ADGRF5: variants seen among roughly 807,000 people sequenced by gnomAD.
ADGRF5 encodes G-protein coupled receptor 116.
Under a neutral mutation model 132.3 loss-of-function variants are expected in ADGRF5, and 75 were observed. That is an observed-to-expected ratio of 0.57 (90% confidence interval 0.47 to 0.69). ADGRF5 has a LOEUF of 0.69. Among genes scored for constraint, ADGRF5 ranks in the 30% least tolerant of loss-of-function variants. ADGRF5 has a pLI of 0.00. For missense variants in ADGRF5, 1,516 were observed against 1,630.6 expected (o/e 0.93, Z 1.21); for synonymous variants, 629 against 597.6 (o/e 1.05, Z -0.77).
At chr6:46,953,651 G>GTGTGTATA (rs1373212107) in intron 1 of ADGRF5, among the ~76,000 whole-genome samples, 22 of 42,182 alleles carry the variant, frequency 5.2e-4, no homozygotes, top group African/African-American at 1.4e-3. Flanking sequence ...AGATATATGT[G>GTGTGTATA]TATATATATA....
intron 1 of ADGRF5, chr6:46,908,742 A>G (rs1410950058): frequency 6.6e-6 from 1 of 152,204 alleles, no homozygotes; most frequent in Non-Finnish European, 1.5e-5. Flanking sequence ...GTTGACAACA[A>G]GATTGCAAGC....
intron 1 of ADGRF5, among the ~76,000 whole-genome samples, chr6:46,931,147 G>A (rs1490867990): frequency 6.6e-6 from 1 of 152,160 alleles, no homozygotes; most frequent in Non-Finnish European, 1.5e-5. Flanking sequence ...AGTTTGAGAG[G>A]ATGATAGGCC....
At chr6:46,884,675 A>G (rs1410566095) in intron 4 of ADGRF5, among the ~76,000 whole-genome samples, 1 of 152,240 alleles carries the variant, frequency 6.6e-6, no homozygotes, top group African/African-American at 2.4e-5. Flanking sequence ...TATGTAATCA[A>G]CAGAATAAGG....
At chr6:46,866,737 G>A (rs1770493647) in intron 13 of ADGRF5, among the ~76,000 whole-genome samples, 188 bp downstream of exon 13, 1 of 151,750 alleles carries the variant, frequency 6.6e-6, no homozygotes, top group African/African-American at 2.4e-5. Flanking sequence ...TCCCAAGATT[G>A]TACCATAAAC....
At chr6:46,909,944 G>A (rs1462802944) in intron 1 of ADGRF5, among the ~76,000 whole-genome samples, 2 of 151,976 alleles carry the variant, frequency 1.3e-5, no homozygotes, top group African/African-American at 4.8e-5. Flanking sequence ...GGAGTTCGAG[G>A]CTGCAGTGAG....
chr6:46,884,917 T>C (rs920082254), intron 4 of ADGRF5, among the ~76,000 whole-genome samples: 3 of 152,120 alleles, frequency 2.0e-5, no homozygotes, highest in African/African-American at 7.2e-5. Flanking sequence ...AAATAAATTT[T>C]ACAGGCCAGG....
At chr6:46,874,810 T>G (rs1225373538) in intron 10 of ADGRF5, among the ~76,000 whole-genome samples, 1 of 152,202 alleles carries the variant, frequency 6.6e-6, no homozygotes, top group African/African-American at 2.4e-5. Flanking sequence ...CTTTACACAT[T>G]AGATGTGCTC....
intron 1 of ADGRF5, among the ~76,000 whole-genome samples, chr6:46,919,842 T>C (rs1383486190): frequency 6.6e-6 from 1 of 152,202 alleles, no homozygotes. Flanking sequence ...AGTGTTCGTA[T>C]TATTCTTGGG....
chr6:46,882,157 T>C (rs1772550219), intron 6 of ADGRF5, 50 bp from the exon 7 acceptor site: 1 of 1,225,372 alleles, frequency 8.2e-7, no homozygotes, highest in Non-Finnish European at 1.2e-6. Context: ...GAGAAATAGG[T>C]GTATCAAAAG....
chr6:46,915,684 A>G (rs1158193177), intron 1 of ADGRF5, among the ~76,000 whole-genome samples: 3 of 151,854 alleles, frequency 2.0e-5, no homozygotes, highest in Non-Finnish European at 4.4e-5. Context: ...GATTTTAACC[A>G]TATAATGTGT....
rs1385261559 is a variant in ADGRF5 at position 46,856,710 on chromosome 6, A to C, written c.3876+8T>G. On this transcript the variant is annotated splice_region_variant and intron_variant, in intron 19 of 20. Coordinates refer to ENST00000283296, the MANE Select transcript of ADGRF5 (RefSeq NM_001098518.2). The stretch of plus-strand genomic sequence containing the variant: ...AAAATGAAAAGTCTCTGCAGAGAAA[A>C]AGTTTACCTTTGAGTGCTGTGAAGA... The C allele has an allele frequency of 7.8e-7, 1 of 1,281,234 alleles. No individual in the cohort carries two copies. 79.4% of individuals were successfully genotyped at this position (1,281,234 alleles called of 1,614,324 possible). A position where few individuals can be genotyped will look rare whatever the true frequency, so the allele number is the denominator to read the frequency against.
intron 1 of ADGRF5, among the ~76,000 whole-genome samples, chr6:46,915,701 T>C (rs1776362058): frequency 6.6e-6 from 1 of 151,806 alleles, no homozygotes. Context: ...GTGTGTGCTA[T>C]TCAGAATGAA....
rs1373212107 is a variant in ADGRF5 at position 46,953,651 on chromosome 6, G to GTGTATATATA, written c.-25+1082_-25+1083insTATATATACA. On this transcript the variant is annotated intron_variant, in intron 1 of 20. Coordinates refer to the ADGRF5 transcript ENST00000265417. ...AAATTATATATATATAGATATATGT[G>GTGTATATATA]TATATATATATATATATATATATAT... Among the ~76,000 whole-genome samples the GTGTATATATA allele has an allele frequency of 2.5e-3, 105 of 42,172 alleles. 2 individuals are homozygous for GTGTATATATA. Among genetic ancestry groups the GTGTATATATA allele is most frequent in the African/African-American group, 5.3e-3 (76 of 14,262 alleles). The allele number at this position is 42,172 out of a possible 152,430, so 27.7% of individuals were successfully genotyped here.
chr6:46,950,358 C>T (rs375853705), intron 1 of ADGRF5, among the ~76,000 whole-genome samples: 6 of 152,170 alleles, frequency 3.9e-5, no homozygotes, highest in Non-Finnish European at 8.8e-5. Context: ...ACAGAGCAAC[C>T]TTTAAATATT....
chr6:46,891,953 C>T (rs1213291745), intron 3 of ADGRF5, among the ~76,000 whole-genome samples: 4 of 152,102 alleles, frequency 2.6e-5, no homozygotes, highest in African/African-American at 7.2e-5. Flanking sequence ...TCAGCCTGAG[C>T]GTCACCTCTG....
intron 1 of ADGRF5, among the ~76,000 whole-genome samples, chr6:46,938,694 G>A (rs749404253): frequency 2.8e-4 from 42 of 152,028 alleles, no homozygotes; most frequent in East Asian, 3.9e-4. Flanking sequence ...GAGTTCCCCC[G>A]CCTAGAGTCT....
intron 1 of ADGRF5, among the ~76,000 whole-genome samples, chr6:46,946,448 C>A (rs1212031123): frequency 2.0e-5 from 3 of 152,112 alleles, no homozygotes; most frequent in Non-Finnish European, 4.4e-5. Context: ...AGACGTGAAT[C>A]GCCATAATCC....
In ADGRF5 at chr6:46,878,306, T is replaced by C. The variant is rs41273668; in HGVS notation, c.1136A>G (p.Lys379Arg). 22 of 1,613,012 alleles carry C rather than the reference T, an allele frequency of 1.4e-5. No homozygotes were observed. In the Admixed American group the frequency reaches 3.5e-4, roughly 26 times the overall value. Reference sequence around the variant, plus strand: ...TACAGGATTGTTGTCGCACATCACCTTCATTTCTTCATTTGCCAAAATTTG... The same window carrying C: ...TACAGGATTGTTGTCGCACATCACCCTCATTTCTTCATTTGCCAAAATTTG... ...PIQILANEEM[K>R]VMCDNNPVSL... Residue 379 changes from lysine to arginine, a missense_variant, in exon 10 of 21, where the codon AAG (lysine) becomes AGG (arginine). Lys to Arg is a conservative substitution (Grantham distance 26). This residue lies in a region of ADGRF5 where 945 missense variants were observed against 929.4 expected (regional missense o/e 1.02). Transcript: ENST00000283296.
At position 46,853,548 on chromosome 6, in the gene ADGRF5, TCTCC is replaced by T. The variant is rs1422468518; in HGVS notation, c.*440_*443del. 6.5e-6 allele frequency: 1 copy of T among 154,972 alleles called. No homozygotes were observed. The highest frequency in any genetic ancestry group is 6.5e-5 in the Admixed American group (1 of 15,276). The allele number at this position is 154,972 out of a possible 1,614,324, so 9.6% of individuals were successfully genotyped here. A position where few individuals can be genotyped will look rare whatever the true frequency, so the allele number is the denominator to read the frequency against. ...TTTCTCTTTTTCTTCTTTTTCCCTT[TCTCC>T]CTGTTTCCCTCCCTTCTTTCCTTCC... is the stretch of plus-strand genomic sequence containing the variant. On this transcript the variant is annotated 3_prime_UTR_variant, in exon 21 of 21. Transcript: ENST00000283296.
Sources: gnomAD v4.1 joint callset for allele counts (sites outside exome capture counted in the v4.1 genomes callset) on GRCh38, gnomAD v4.1.1 for gene constraint, gnomAD v4.1.1 regional missense constraint, MANE v1.5 for transcripts, NCBI Gene and HGNC (gene_info 2026-07-23, HGNC 2026-07-21) for gene names.